CDK1: variants seen among roughly 807,000 people sequenced by gnomAD.
CDK1 encodes cyclin dependent kinase 1.
Under a neutral mutation model 34.6 loss-of-function variants are expected in CDK1, and 5 were observed. The ratio of observed to expected loss-of-function variants is 0.14; its 90% confidence interval spans 0.08 to 0.30. The LOEUF is 0.30. CDK1 is among the 10% of genes least tolerant of loss of function. The pLI is 1.00. For synonymous variants in CDK1, 108 were observed against 114.7 expected (o/e 0.94, Z 0.37); for missense variants, 157 against 345.7 (o/e 0.45, Z 4.33).
At chr10:60,784,468 A>G (rs2080298607) in intron 2 of CDK1, among the ~76,000 whole-genome samples, 1 of 152,082 alleles carries the variant, frequency 6.6e-6, no homozygotes, top group African/African-American at 2.4e-5. Context: ...CATCTCTACC[A>G]AAAAGACAAA....
chr10:60,781,467 A>G (rs1342368147), intron 2 of CDK1, among the ~76,000 whole-genome samples: 1 of 152,168 alleles, frequency 6.6e-6, no homozygotes, highest in East Asian at 1.9e-4. Flanking sequence ...GCAAATGGTG[A>G]TAATTGGACT....
chr10:60,793,026 C>G (rs2132076581), intron 7 of CDK1, among the ~76,000 whole-genome samples: 1 of 152,188 alleles, frequency 6.6e-6, no homozygotes, highest in Middle Eastern at 3.4e-3. Context: ...TGCCAAATGT[C>G]TCCTGATGGG....
intron 5 of CDK1, 63 bp from the exon 6 acceptor site, chr10:60,791,827 T>C (rs1589114654): frequency 9.5e-6 from 8 of 842,530 alleles, no homozygotes; most frequent in Non-Finnish European, 1.5e-5. Context: ...AAAATATAAA[T>C]GTTTAAGTGT....
rs1453628165 is a variant in CDK1, at chr10:60,794,116, C to T, written c.*141C>T. 2.1e-6 allele frequency: 1 copy of T among 486,242 alleles called. No individual in the cohort carries two copies. Among genetic ancestry groups the T allele is most frequent in the Non-Finnish European group, 3.6e-6 (1 of 275,382 alleles). The allele number at this position is 486,242 out of a possible 1,614,324, so 30.1% of individuals were successfully genotyped here. On this transcript the variant is annotated 3_prime_UTR_variant, in exon 8 of 8. Transcript: ENST00000395284. ...TCGTCTTCTAATTTCAAAAATATAACTTAAAAATGTAAATATTCTATATGA... is the reference window on the plus strand; with the variant it reads ...TCGTCTTCTAATTTCAAAAATATAATTTAAAAATGTAAATATTCTATATGA...
intron 1 of CDK1, among the ~76,000 whole-genome samples, chr10:60,779,529 C>T (rs928523485): frequency 6.6e-6 from 1 of 152,010 alleles, no homozygotes; most frequent in Non-Finnish European, 1.5e-5. Flanking sequence ...GTGATATTTC[C>T]TACTCTTGGA....
chr10:60,787,552 G>A (rs2080326905), intron 4 of CDK1: 1 of 152,038 alleles, frequency 6.6e-6, no homozygotes, highest in Non-Finnish European at 1.5e-5. Context: ...GGCAACAAAT[G>A]TCTTGTAAAG....
At chr10:60,793,514 ATGT>A (rs56014703) in intron 7 of CDK1, among the ~76,000 whole-genome samples, 44,982 of 151,842 alleles carry the variant, frequency 0.3, 6,779 homozygotes, top group Middle Eastern at 0.33. Context: ...CATTTCAAGA[ATGT>A]TGTAAATAAC....
Position 60,793,986 on chromosome 10 carries a change from A to G in CDK1, c.*11A>G. On this transcript the variant is annotated 3_prime_UTR_variant, in exon 8 of 8. Transcript: ENST00000395284. ...ATTAAGAAGATGTAGCTTTCTGACA[A>G]AAAGTTTCCATATGTTATATCAACA... 4 of 1,341,938 alleles carry G rather than the reference A, an allele frequency of 3.0e-6. No individual in the cohort carries two copies. Among genetic ancestry groups the G allele is most frequent in the Non-Finnish European group, 4.1e-6 (4 of 974,980 alleles). The allele number at this position is 1,341,938 out of a possible 1,614,324, so 83.1% of individuals were successfully genotyped here.
intron 2 of CDK1, among the ~76,000 whole-genome samples, chr10:60,783,859 A>G (rs532921129): frequency 2.7e-4 from 40 of 150,114 alleles, no homozygotes; most frequent in Admixed American, 7.4e-4. Context: ...TATGTAGTAC[A>G]TACAATGTGC....
intron 4 of CDK1, 122 bp from the exon 5 acceptor site, chr10:60,787,938 A>C: frequency 1.9e-6 from 1 of 513,516 alleles, no homozygotes; most frequent in Non-Finnish European, 3.4e-6. Flanking sequence ...TTAGCCTAAA[A>C]TGGCCTGAAA....
intron 2 of CDK1, among the ~76,000 whole-genome samples, chr10:60,784,015 CTT>C (rs1462606182): frequency 1.3e-5 from 2 of 152,148 alleles, no homozygotes; most frequent in Non-Finnish European, 2.9e-5. Context: ...GTCATAATGA[CTT>C]TTATCAGTAA....
intron 7 of CDK1, among the ~76,000 whole-genome samples, chr10:60,792,963 A>G (rs1345339025): frequency 6.6e-6 from 1 of 152,100 alleles, no homozygotes; most frequent in Non-Finnish European, 1.5e-5. Context: ...TACTCTCTAG[A>G]TGCCATTAGT....
chr10:60,781,965 A>G (rs2080277169), intron 2 of CDK1, among the ~76,000 whole-genome samples: 1 of 152,046 alleles, frequency 6.6e-6, no homozygotes, highest in South Asian at 2.1e-4. Flanking sequence ...TCTGGCTTGT[A>G]TTGTCATTTC....
chr10:60,783,364 A>G (rs1372756589), intron 2 of CDK1: 1 of 152,164 alleles, frequency 6.6e-6, no homozygotes, highest in Non-Finnish European at 1.5e-5. Context: ...AGACTTTTGT[A>G]TAGAGGTTCT....
At chr10:60,785,100 T>G (rs3213046) in intron 3 of CDK1, among the ~76,000 whole-genome samples, 1 of 151,968 alleles carries the variant, frequency 6.6e-6, no homozygotes, top group Non-Finnish European at 1.5e-5. Flanking sequence ...AATAGCAAGG[T>G]AAATTGGCCA....
chr10:60,792,481 A>G (rs181560113), intron 7 of CDK1, among the ~76,000 whole-genome samples, 192 bp downstream of exon 7: 10 of 152,158 alleles, frequency 6.6e-5, no homozygotes, highest in African/African-American at 2.4e-4. Flanking sequence ...ATTTAGCATT[A>G]GTTTTTGTTT....
Position 60,791,871 on chromosome 10 carries a change from A to G in CDK1, c.490-19A>G, listed in dbSNP as rs765293716. On this transcript the variant is annotated intron_variant, in intron 5 of 7. Coordinates refer to ENST00000395284, the MANE Select transcript of CDK1 (RefSeq NM_001786.5). ...TTATGCACCACATTTATTCATTGTA[A>G]AAATTTGCTTTTTAATAGGTAGTAA... 2.7e-5 allele frequency: 41 copies of G among 1,517,576 alleles called. No homozygotes were observed. The Admixed American group carries it at 8.0e-4, about 29-fold the overall frequency. The allele number at this position is 1,517,576 out of a possible 1,614,324, so 94.0% of individuals were successfully genotyped here.
At chr10:60,786,334 T>TAC in intron 4 of CDK1, 1 of 900,190 alleles carries the variant, frequency 1.1e-6, no homozygotes, top group African/African-American at 1.8e-5. Context: ...ATATAAAGAT[T>TAC]TTTTTTTTTA....
At position 60,792,309 on chromosome 10, in the gene CDK1, C is replaced by G; in HGVS notation, c.795+20C>G. On this transcript the variant is annotated intron_variant, in intron 7 of 7. Transcript: ENST00000395284. ...CTCTCGGTAAGGAGTGCCCTTGATA[C>G]TGACTTTCAAATTATTGATGATTCT... 2 of 1,575,074 alleles carry G rather than the reference C, an allele frequency of 1.3e-6. No individual in the cohort carries two copies. The highest frequency in any genetic ancestry group is 2.4e-5 in the South Asian group (2 of 84,796).
Sources: gnomAD v4.1 joint callset for allele counts (sites outside exome capture counted in the v4.1 genomes callset) on GRCh38, gnomAD v4.1.1 for gene constraint, MANE v1.5 for transcripts, NCBI Gene and HGNC (gene_info 2026-07-23, HGNC 2026-07-21) for gene names.